SAMD12: variants seen among roughly 807,000 people sequenced by gnomAD.
SAMD12 encodes sterile alpha motif domain containing 12.
SAMD12 carries 9 observed loss-of-function variants against 15.0 expected under a neutral mutation model. The ratio of observed to expected loss-of-function variants is 0.60; its 90% CI spans 0.36 to 1.05. The LOEUF is 1.05. Ranked by LOEUF, SAMD12 falls within the 50% of genes least tolerant of loss-of-function variation. SAMD12 has a pLI of 0.01. For missense variants in SAMD12, 230 were observed against 234.2 expected (o/e 0.98, Z 0.12); for synonymous variants, 86 against 90.1 (o/e 0.96, Z 0.25).
intron 2 of SAMD12, among the ~76,000 whole-genome samples, chr8:118,446,008 A>C (rs560909840): frequency 1.3e-5 from 2 of 152,316 alleles, no homozygotes; most frequent in South Asian, 4.1e-4. Context: ...TCGAAGCCTA[A>C]ATTTTTATGA....
intron 2 of SAMD12, among the ~76,000 whole-genome samples, chr8:118,513,023 T>C (rs1825130865): frequency 6.6e-6 from 1 of 151,932 alleles, no homozygotes; most frequent in Non-Finnish European, 1.5e-5. Context: ...TTTTTTTTTC[T>C]TACAGTTATG....
chr8:118,303,751 T>C (rs1009178087), intron 4 of SAMD12, among the ~76,000 whole-genome samples: 2 of 152,152 alleles, frequency 1.3e-5, no homozygotes, highest in South Asian at 2.1e-4. Context: ...ATCATCAATG[T>C]TGTCAGCATA....
intron 2 of SAMD12, among the ~76,000 whole-genome samples, chr8:118,512,710 C>T (rs1825121159): frequency 6.6e-6 from 1 of 152,194 alleles, no homozygotes. Context: ...TACTAATCTA[C>T]TAGCCACACT....
chr8:118,415,194 A>G (rs1359915477), intron 3 of SAMD12, among the ~76,000 whole-genome samples: 3 of 152,186 alleles, frequency 2.0e-5, no homozygotes. Context: ...TTCCATCACC[A>G]GCTCCTGTCC....
At chr8:118,250,175 T>C (rs780592356) in intron 4 of SAMD12, among the ~76,000 whole-genome samples, 20 of 152,070 alleles carry the variant, frequency 1.3e-4, no homozygotes, top group Non-Finnish European at 2.8e-4. Context: ...CAACATGTCA[T>C]TGAATTACCA....
At chr8:118,214,823 G>T (rs1205499849) in intron 4 of SAMD12, among the ~76,000 whole-genome samples, 1 of 152,188 alleles carries the variant, frequency 6.6e-6, no homozygotes, top group South Asian at 2.1e-4. Context: ...ACAGAAATCA[G>T]TGGCTTAGGA....
At chr8:118,585,520 C>A (rs1025645439) in intron 1 of SAMD12, among the ~76,000 whole-genome samples, 1 of 152,070 alleles carries the variant, frequency 6.6e-6, no homozygotes, top group African/African-American at 2.4e-5. Context: ...TCCCTAATAC[C>A]TCCATAAATG....
At chr8:118,213,699 G>T (rs897124726) in intron 4 of SAMD12, among the ~76,000 whole-genome samples, 3 of 152,178 alleles carry the variant, frequency 2.0e-5, no homozygotes, top group African/African-American at 7.2e-5. Context: ...CTCTGAGCAA[G>T]ACTTGTTCTA....
chr8:118,185,289 G>A (rs984918675), downstream of SAMD12, among the ~76,000 whole-genome samples: 1 of 152,002 alleles, frequency 6.6e-6, no homozygotes, highest in South Asian at 2.1e-4. Context: ...TCGATTACAT[G>A]AATAAGTTAT....
At chr8:118,616,066 G>T (rs929562850) in intron 1 of SAMD12, among the ~76,000 whole-genome samples, 8 of 152,158 alleles carry the variant, frequency 5.3e-5, no homozygotes, top group Non-Finnish European at 1.0e-4. Context: ...GTCAGATCTG[G>T]TGGTATAGAG....
chr8:118,451,866 A>G (rs1015986672), intron 2 of SAMD12, among the ~76,000 whole-genome samples: 6 of 152,184 alleles, frequency 3.9e-5, no homozygotes, highest in African/African-American at 1.2e-4. Flanking sequence ...CAATTTATCT[A>G]TCTGTTAATT....
chr8:118,179,439 GAAAA>G, the SAMD12 span, among the ~76,000 whole-genome samples: 3 of 92,294 alleles, frequency 3.3e-5, no homozygotes, highest in Admixed American at 1.2e-4. Flanking sequence ...CTCCGTCTCC[GAAAA>G]AAAAAAAAAA....
In SAMD12 at chr8:118,294,424, G is replaced by C. The variant is rs182095427; in HGVS notation, c.433+85136C>G. ...GTTAATTGTTTCACCAGAGGAAGAA[G>C]AGCTTCAGCAGCTTTCTTCACCAGT... On this transcript the variant is annotated intron_variant, in intron 4 of 4. Transcript: ENST00000409003. Among the ~76,000 whole-genome samples, 212 of 152,348 alleles carry C rather than the reference G, an allele frequency of 1.4e-3. 1 individual carries two copies. The highest frequency in any genetic ancestry group is 4.1e-3 in the African/African-American group (171 of 41,584).
intron 2 of SAMD12, among the ~76,000 whole-genome samples, chr8:118,527,816 C>A (rs1396340090): frequency 6.6e-6 from 1 of 152,098 alleles, no homozygotes; most frequent in African/African-American, 2.4e-5. Context: ...GGATTTTGAG[C>A]ACGATAATTT....
rs1039988487 is a variant in SAMD12 at position 118,370,032 on chromosome 8, T to C, written c.433+9528A>G. Among the ~76,000 whole-genome samples, 9 of 152,276 alleles carry C rather than the reference T, an allele frequency of 5.9e-5. 1 individual carries two copies. Among genetic ancestry groups the C allele is most frequent in the African/African-American group, 2.2e-4 (9 of 41,564 alleles). On this transcript the variant is annotated intron_variant, in intron 4 of 4. Transcript: ENST00000409003. The stretch of plus-strand genomic sequence containing the variant: ...ACGTATCCATCTGACCAAGGTCTAA[T>C]ATCCAGAATCTATAAGGAACTTAAA...
chr8:118,550,732 G>T (rs2131179231), intron 2 of SAMD12, among the ~76,000 whole-genome samples: 1 of 151,598 alleles, frequency 6.6e-6, no homozygotes, highest in African/African-American at 2.4e-5. Context: ...ACACAGACTG[G>T]CAAATTGGAT....
At chr8:118,375,746 C>T (rs932874931), downstream of SAMD12, 1 of 152,072 alleles carries the variant, frequency 6.6e-6, no homozygotes, top group African/African-American at 2.4e-5. Flanking sequence ...TATACTCATA[C>T]ATTTCATCAA....
chr8:118,500,140 G>A (rs58009762), intron 2 of SAMD12, among the ~76,000 whole-genome samples: 12,814 of 133,848 alleles, frequency 0.096, 1,513 homozygotes, highest in African/African-American at 0.29. Flanking sequence ...GGGCAATGGC[G>A]CGATCTTGGC....
At chr8:118,454,294 T>A (rs1424769062) in intron 2 of SAMD12, among the ~76,000 whole-genome samples, 1 of 152,226 alleles carries the variant, frequency 6.6e-6, no homozygotes, top group Non-Finnish European at 1.5e-5. Flanking sequence ...TTCCTTCAAA[T>A]GTTGCTGTGA....
Sources: allele counts gnomAD v4.1 joint callset (sites outside exome capture counted in the v4.1 genomes callset), GRCh38; gene constraint gnomAD v4.1.1; transcripts MANE v1.5; gene names NCBI Gene and HGNC (gene_info 2026-07-23, HGNC 2026-07-21).